ARHGAP32: variants seen among roughly 807,000 people sequenced by gnomAD.
ARHGAP32 encodes Rho GTPase activating protein 32.
Under a neutral mutation model 186.5 loss-of-function variants are expected in ARHGAP32, and 51 were observed. That is an observed-to-expected ratio of 0.27 (90% CI 0.22 to 0.35). The LOEUF (loss-of-function observed/expected upper bound fraction) is 0.35. Among genes scored for constraint, ARHGAP32 ranks in the 10% least tolerant of loss-of-function variants. The pLI is 1.00. For synonymous variants in ARHGAP32, 950 were observed against 964.3 expected, an observed-to-expected ratio of 0.99 and a Z score of 0.27; for missense variants, 2,186 against 2,623.5, an observed-to-expected ratio of 0.83 and a Z score of 3.64.
chr11:129,222,094 C>T (rs995723871), intron 1 of ARHGAP32, among the ~76,000 whole-genome samples: 2 of 152,144 alleles, frequency 1.3e-5, no homozygotes, highest in African/African-American at 4.8e-5. Context: ...GATGAAGAAA[C>T]AGCAGCATCT....
chr11:129,138,517 C>T (rs1375909724), intron 2 of ARHGAP32, among the ~76,000 whole-genome samples: 1 of 152,082 alleles, frequency 6.6e-6, no homozygotes, highest in Non-Finnish European at 1.5e-5. Flanking sequence ...AAATATTCTA[C>T]CATTCCTCCA....
intron 10 of ARHGAP32, among the ~76,000 whole-genome samples, chr11:129,045,502 TA>T (rs1211512627): frequency 1.3e-5 from 2 of 152,220 alleles, no homozygotes; most frequent in African/African-American, 2.4e-5. Context: ...ATTTTCATGA[TA>T]AAAAATTGTG....
chr11:129,073,782 CA>C (rs34701880), intron 6 of ARHGAP32, among the ~76,000 whole-genome samples: 6 of 147,512 alleles, frequency 4.1e-5, no homozygotes, highest in Non-Finnish European at 6.0e-5. Context: ...ACAACAACAA[CA>C]AAAAAAAACC....
intron 1 of ARHGAP32, among the ~76,000 whole-genome samples, chr11:129,227,421 C>A: frequency 6.6e-6 from 1 of 150,684 alleles, no homozygotes; most frequent in South Asian, 2.1e-4. Context: ...TATCAGTAAC[C>A]ACATTAAATG....
rs149317878 is a variant in ARHGAP32, at chr11:129,124,259, G to A, written c.318-330C>T. On this transcript the variant is annotated intron_variant, in intron 3 of 22. Transcript: ENST00000682385. The stretch of plus-strand genomic sequence containing the variant: ...CAACATTTTAAATAATTTTGTGCAT[G>A]AAACAAAATTTTAACTGTGAACACT... Among the ~76,000 whole-genome samples, 285 of 152,230 alleles carry A rather than the reference G, an allele frequency of 1.9e-3. 2 individuals are homozygous for A. The highest frequency in any genetic ancestry group is 6.2e-3 in the African/African-American group (259 of 41,564).
At chr11:129,048,463 G>T (rs1161119424) in intron 10 of ARHGAP32, among the ~76,000 whole-genome samples, 2 of 150,400 alleles carry the variant, frequency 1.3e-5, no homozygotes, top group Admixed American at 6.6e-5. Context: ...TTTAAGTAAG[G>T]AGTAGTAAAG....
intron 11 of ARHGAP32, among the ~76,000 whole-genome samples, chr11:129,020,038 G>A (rs1448731243): frequency 6.6e-6 from 1 of 151,982 alleles, no homozygotes; most frequent in Non-Finnish European, 1.5e-5. Flanking sequence ...AGATTTTAAT[G>A]AAAATACCTG....
At chr11:128,999,833 C>T (rs1555068781) in intron 11 of ARHGAP32, among the ~76,000 whole-genome samples, 2 of 152,178 alleles carry the variant, frequency 1.3e-5, no homozygotes. Context: ...GTAAACCAGT[C>T]ATCTTCCCAA....
intron 15 of ARHGAP32, 172 bp downstream of exon 15, chr11:128,985,831 C>CGTGTGT (rs369790310): frequency 1.7e-4 from 20 of 115,604 alleles, no homozygotes; most frequent in South Asian, 8.7e-4. Context: ...TGTGTGTGTG[C>CGTGTGT]GTGTGTGTGT....
At chr11:129,244,561 CA>C (rs1423179435) in intron 1 of ARHGAP32, among the ~76,000 whole-genome samples, 6 of 151,974 alleles carry the variant, frequency 3.9e-5, no homozygotes, top group Admixed American at 3.9e-4. Context: ...TCTAAAACAC[CA>C]AAAGCAATGG....
intron 2 of ARHGAP32, among the ~76,000 whole-genome samples, chr11:129,147,872 C>G (rs572361284): frequency 6.6e-6 from 1 of 152,108 alleles, no homozygotes; most frequent in South Asian, 2.1e-4. Context: ...AAAATGAAAA[C>G]AAGATGACCC....
intron 1 of ARHGAP32, among the ~76,000 whole-genome samples, chr11:129,189,635 A>T (rs1944235938): frequency 6.6e-6 from 1 of 152,220 alleles, no homozygotes; most frequent in Admixed American, 6.5e-5. Flanking sequence ...TACCGACTAC[A>T]AATAAGAAAT....
intron 20 of ARHGAP32, 92 bp from the exon 21 acceptor site, chr11:128,975,094 A>T: frequency 9.9e-7 from 1 of 1,008,894 alleles, no homozygotes; most frequent in Admixed American, 2.4e-5. Flanking sequence ...GTAACTTACT[A>T]TCTAGGTGAA....
intron 5 of ARHGAP32, among the ~76,000 whole-genome samples, chr11:129,120,317 A>G (rs1942490280): frequency 6.6e-6 from 1 of 152,094 alleles, no homozygotes; most frequent in African/African-American, 2.4e-5. Flanking sequence ...AAGTCAGCAG[A>G]AAGAGCAGGT....
At chr11:128,975,111 G>A in intron 20 of ARHGAP32, 109 bp from the exon 21 acceptor site, 11 of 861,824 alleles carry the variant, frequency 1.3e-5, no homozygotes, top group Non-Finnish European at 1.8e-5. Flanking sequence ...TGAAGGAAGT[G>A]TTACTTCTCA....
intron 1 of ARHGAP32, among the ~76,000 whole-genome samples, chr11:129,215,379 A>C (rs1565470908): frequency 6.6e-6 from 1 of 152,178 alleles, no homozygotes; most frequent in Non-Finnish European, 1.5e-5. Flanking sequence ...TTCTGCTTTG[A>C]TCATGGTATT....
At chr11:128,995,291 C>A (rs1172102437) in intron 12 of ARHGAP32, among the ~76,000 whole-genome samples, 2 of 152,110 alleles carry the variant, frequency 1.3e-5, no homozygotes, top group African/African-American at 4.8e-5. Context: ...ACTGTAGTCT[C>A]CAACTCCTGG....
intron 10 of ARHGAP32, among the ~76,000 whole-genome samples, chr11:129,051,455 C>T (rs946257942): frequency 1.3e-5 from 2 of 152,144 alleles, no homozygotes; most frequent in Non-Finnish European, 2.9e-5. Context: ...TGAGAAGTGT[C>T]TGTTTATATC....
intron 11 of ARHGAP32, among the ~76,000 whole-genome samples, chr11:129,000,241 A>G (rs542404199): frequency 1.1e-4 from 16 of 152,210 alleles, no homozygotes; most frequent in Non-Finnish European, 1.8e-4. Context: ...AATATTTGAA[A>G]AAATAATTCC....
Sources: gnomAD v4.1 joint callset for allele counts (sites outside exome capture counted in the v4.1 genomes callset) on GRCh38, gnomAD v4.1.1 for gene constraint, MANE v1.5 for transcripts, NCBI Gene and HGNC (gene_info 2026-07-23, HGNC 2026-07-21) for gene names.